The following RBFOX1 variants were observed in gnomAD, a reference collection of about 807,000 sequenced individuals.
RBFOX1 encodes the protein RNA binding fox-1 homolog 1, also known as RNA binding protein fox-1 homolog 1.
RBFOX1 carries 8 observed loss-of-function variants against 57.7 expected under a neutral mutation model. That is an observed-to-expected ratio of 0.14 (90% CI 0.08 to 0.25). The LOEUF (loss-of-function observed/expected upper bound fraction) is 0.25, where lower values mean the gene tolerates loss of function less well. Among genes scored for constraint, RBFOX1 ranks in the 10% least tolerant of loss-of-function variants. The pLI is 1.00. For synonymous variants in RBFOX1, 326 were observed against 222.4 expected, an observed-to-expected ratio of 1.47 and a Z score of -4.15; for missense variants, 611 against 548.5, an observed-to-expected ratio of 1.11 and a Z score of -1.14.
chr16:7,163,332 A>G (rs1402431302), intron 4 of RBFOX1, among the ~76,000 whole-genome samples: 1 of 152,140 alleles, frequency 6.6e-6, no homozygotes, highest in East Asian at 1.9e-4. Context: ...GAGTAACCTT[A>G]TCAATCCAGA....
intron 3 of RBFOX1, among the ~76,000 whole-genome samples, chr16:5,626,797 C>A (rs796787928): frequency 1.3e-5 from 2 of 152,232 alleles, no homozygotes; most frequent in African/African-American, 4.8e-5. Context: ...GCTCAACTCT[C>A]TTGCTTTCCT....
At position 7,710,872 on chromosome 16, in the gene RBFOX1, G is replaced by GA. The variant is rs908051064; in HGVS notation, c.*135dup. On this transcript the variant is annotated 3_prime_UTR_variant, in exon 16 of 16. Coordinates refer to ENST00000550418, the MANE Select transcript of RBFOX1 (RefSeq NM_018723.4). ...AAAAAAAAAAAATACAAATAAAAAG[G>GA]AAAAAAAATTACATTTTTTATCTTA... 49 of 980,838 alleles carry GA rather than the reference G, an allele frequency of 5.0e-5. No homozygotes were observed. Among genetic ancestry groups the GA allele is most frequent in the South Asian group, 3.5e-4 (9 of 26,072 alleles). 60.8% of individuals were successfully genotyped at this position (980,838 alleles called of 1,614,324 possible).
At chr16:5,453,917 G>C (rs2068503994) in intron 1 of RBFOX1, among the ~76,000 whole-genome samples, 1 of 152,184 alleles carries the variant, frequency 6.6e-6, no homozygotes, top group African/African-American at 2.4e-5. Flanking sequence ...GGTTGGTGAA[G>C]GGAGTACTTA....
chr16:6,432,101 A>G (rs868425377), intron 2 of RBFOX1, among the ~76,000 whole-genome samples: 1 of 152,054 alleles, frequency 6.6e-6, no homozygotes, highest in Middle Eastern at 3.2e-3. Context: ...AGATGAGACT[A>G]TAGGTGCATA....
rs186212829 is a variant in RBFOX1 at position 6,501,338 on chromosome 16, T to C, written c.-63-153265T>C. On this transcript the variant is annotated intron_variant, in intron 2 of 15. Transcript: ENST00000550418. ...CCGGTGTGTGATGTTCCCCTTCCTGTGTCCATGTGTTCTCACTGTTCAATT... is the reference window on the plus strand; with the variant it reads ...CCGGTGTGTGATGTTCCCCTTCCTGCGTCCATGTGTTCTCACTGTTCAATT... Among the ~76,000 whole-genome samples the C allele has an allele frequency of 2.4e-3, 308 of 129,184 alleles. 5 individuals carry two copies. In the East Asian group the frequency reaches 0.027, roughly 11 times the overall value. 84.7% of individuals were successfully genotyped at this position (129,184 alleles called of 152,430 possible).
intron 2 of RBFOX1, among the ~76,000 whole-genome samples, chr16:6,476,768 C>T (rs947455204): frequency 2.0e-5 from 3 of 152,188 alleles, no homozygotes; most frequent in African/African-American, 7.2e-5. Context: ...TGAAATACTT[C>T]TCTGCAGCAC....
intron 3 of RBFOX1, among the ~76,000 whole-genome samples, chr16:6,661,332 C>T (rs1399261259): frequency 6.6e-6 from 1 of 152,146 alleles, no homozygotes; most frequent in Admixed American, 6.5e-5. Flanking sequence ...GCAGAGGGAA[C>T]AGAATGGCGA....
intron 1 of RBFOX1, among the ~76,000 whole-genome samples, chr16:6,110,066 C>G (rs569415030): frequency 6.6e-5 from 10 of 151,948 alleles, no homozygotes; most frequent in Non-Finnish European, 1.5e-4. Context: ...TATTGTAAAA[C>G]CAAGGATTTA....
intron 2 of RBFOX1, among the ~76,000 whole-genome samples, chr16:5,489,797 C>T (rs115816168): frequency 5.3e-4 from 80 of 152,320 alleles, no homozygotes; most frequent in African/African-American, 1.9e-3. Flanking sequence ...CAGGGTCACC[C>T]AGCTCATATA....
At chr16:7,551,659 T>C (rs2086579916) in intron 5 of RBFOX1, among the ~76,000 whole-genome samples, 1 of 151,912 alleles carries the variant, frequency 6.6e-6, no homozygotes, top group Admixed American at 6.6e-5. Flanking sequence ...CAGGTAGGAG[T>C]TACTCTAGCT....
At chr16:7,106,686 G>T (rs2063643044) in intron 4 of RBFOX1, among the ~76,000 whole-genome samples, 1 of 151,934 alleles carries the variant, frequency 6.6e-6, no homozygotes. Flanking sequence ...ATCCTACGAT[G>T]TGTGAGCTCC....
intron 2 of RBFOX1, among the ~76,000 whole-genome samples, chr16:6,335,515 C>G (rs1214028869): frequency 6.6e-6 from 1 of 151,994 alleles, no homozygotes; most frequent in Non-Finnish European, 1.5e-5. Flanking sequence ...CGCGGTGGTT[C>G]ACGCCTGTAA....
chr16:5,787,191 T>C (rs1229371151), intron 3 of RBFOX1, among the ~76,000 whole-genome samples: 2 of 152,162 alleles, frequency 1.3e-5, no homozygotes, highest in African/African-American at 4.8e-5. Context: ...AAGAAGACTT[T>C]GTAATGACTC....
chr16:7,594,029 G>A (rs1248123800), intron 7 of RBFOX1, among the ~76,000 whole-genome samples: 2 of 152,046 alleles, frequency 1.3e-5, no homozygotes, highest in Admixed American at 6.6e-5. Flanking sequence ...ACACTGTGCA[G>A]GTTTGTTACA....
At chr16:5,851,954 C>A (rs2056907565) in intron 3 of RBFOX1, among the ~76,000 whole-genome samples, 1 of 152,116 alleles carries the variant, frequency 6.6e-6, no homozygotes, top group Non-Finnish European at 1.5e-5. Flanking sequence ...TTAAAAGCTC[C>A]AGCCCACCAC....
At chr16:5,613,195 A>T (rs755338716) in intron 3 of RBFOX1, among the ~76,000 whole-genome samples, 1 of 152,196 alleles carries the variant, frequency 6.6e-6, no homozygotes, top group African/African-American at 2.4e-5. Context: ...GTTGACATGG[A>T]CAAATCTTCC....
intron 3 of RBFOX1, among the ~76,000 whole-genome samples, chr16:5,664,491 G>A (rs1474158533): frequency 6.6e-6 from 1 of 152,060 alleles, no homozygotes; most frequent in Admixed American, 6.6e-5. Flanking sequence ...AGGTTGCAAT[G>A]AACCGAGATT....
intron 2 of RBFOX1, among the ~76,000 whole-genome samples, chr16:6,374,129 A>G (rs968565992): frequency 6.6e-6 from 1 of 152,224 alleles, no homozygotes; most frequent in Non-Finnish European, 1.5e-5. Flanking sequence ...AGTTTCTTCA[A>G]CACTGAGTGT....
intron 2 of RBFOX1, among the ~76,000 whole-genome samples, chr16:5,479,476 C>T (rs12935674): frequency 0.36 from 54,173 of 152,012 alleles, 10,485 homozygotes; most frequent in South Asian, 0.54. Context: ...TATTTCTCCC[C>T]GGCCAGGCAT....
Sources: gnomAD v4.1 joint callset for allele counts (sites outside exome capture counted in the v4.1 genomes callset) on GRCh38, gnomAD v4.1.1 for gene constraint, MANE v1.5 for transcripts, NCBI Gene and HGNC (gene_info 2026-07-23, HGNC 2026-07-21) for gene names.